The following MCM7 variants were observed in gnomAD, a reference collection of about 807,000 sequenced individuals.
MCM7 encodes the protein DNA replication licensing factor MCM7.
MCM7 carries 95 observed loss-of-function variants against 83.5 expected under a neutral mutation model. The observed-to-expected ratio is 1.14, with a 90% CI of 0.96 to 1.35. The LOEUF (loss-of-function observed/expected upper bound fraction) is 1.35. Ranked by LOEUF, MCM7 falls within the 40% of genes most tolerant of loss-of-function variation. The pLI, the probability that MCM7 is intolerant of heterozygous loss-of-function variation, is 0.00. For synonymous variants in MCM7, 461 were observed against 352.7 expected, an observed-to-expected ratio of 1.31 and a Z score of -3.44; for missense variants, 1,087 against 957.4, an observed-to-expected ratio of 1.14 and a Z score of -1.79.
intron 1 of MCM7, chr7:100,101,056 G>A (rs1353003116): frequency 5.6e-6 from 4 of 719,868 alleles, no homozygotes; most frequent in Non-Finnish European, 6.7e-6. Flanking sequence ...TACCAGGTGG[G>A]ATTACTAGCT....
rs200958394 is a variant in MCM7, at chr7:100,101,328, G to A, written c.-34C>T. 112 of 1,612,672 alleles carry A rather than the reference G, an allele frequency of 6.9e-5. No individual in the cohort carries two copies. In the African/African-American group the frequency reaches 1.2e-3, roughly 17 times the overall value. ...AGGGCCGTGCGGCCGCGCTTGGCGG[G>A]CTCAGAGGTCTTGCTCCTGGGGAAG... On this transcript the variant is annotated 5_prime_UTR_variant, in exon 1 of 15. Coordinates refer to ENST00000303887, the MANE Select transcript of MCM7 (RefSeq NM_005916.5).
rs376602994 is a variant in MCM7, at chr7:100,097,660, C to G, written c.1071G>C (p.Leu357=). ...GAGACTGGTCCACACCCCCGACTAG[C>G]AGGAGCAGCAGTGCCTTCTTCACAT... ...HEDVKKALLL[L]LVGGVDQSPR... is the part of the protein sequence containing the mutation. The change falls in exon 9 of 15, where the codon CTG becomes CTC. Residue 357 remains leucine, a synonymous_variant. Transcript: ENST00000303887. The G allele has an allele frequency of 1.4e-4, 228 of 1,614,072 alleles. No individual in the cohort carries two copies. The highest frequency in any genetic ancestry group is 1.9e-4 in the Non-Finnish European group (221 of 1,180,044).
chr7:100,094,531 A>T (rs1795515469), intron 12 of MCM7, among the ~76,000 whole-genome samples, 190 bp from the exon 13 acceptor site: 1 of 152,224 alleles, frequency 6.6e-6, no homozygotes, highest in South Asian at 2.1e-4. Flanking sequence ...CACCAAACGT[A>T]TAGCCCCCAC....
chr7:100,097,821 C>T lies in MCM7; in HGVS notation c.985+13G>A, dbSNP rs1369345885. On this transcript the variant is annotated intron_variant, in intron 8 of 14. Transcript: ENST00000303887. Reference sequence around the variant, plus strand: ...ATGTAAACGGAATTTCCTCTCTCTCCCCTGCCCCTCACCTGCAATTTGCCT... The same window carrying T: ...ATGTAAACGGAATTTCCTCTCTCTCTCCTGCCCCTCACCTGCAATTTGCCT... The T allele has an allele frequency of 6.8e-6, 11 of 1,613,972 alleles. No individual in the cohort carries two copies. Among genetic ancestry groups the T allele is most frequent in the African/African-American group, 1.3e-5 (1 of 74,910 alleles).
rs930901403 is a variant in MCM7, at chr7:100,097,968, G to A, written c.871-20C>T. On this transcript the variant is annotated intron_variant, in intron 7 of 14. Coordinates refer to ENST00000303887, the MANE Select transcript of MCM7 (RefSeq NM_005916.5). ...TAAACCCTTGGGCAGGAAAATGCCA[G>A]GATACAGATGTAATCCCTTCAACTT... 1.9e-6 allele frequency: 3 copies of A among 1,607,332 alleles called. No individual in the cohort carries two copies. The African/African-American group carries it at 4.0e-5, about 21-fold the overall frequency.
At chr7:100,100,756 C>A (rs534866221) in intron 1 of MCM7, 3 of 992,038 alleles carry the variant, frequency 3.0e-6, no homozygotes, top group South Asian at 4.4e-5. Context: ...TTACACGACA[C>A]TCCCTCCAGC....
rs745661203 is a variant in MCM7, at chr7:100,097,322, T to C, written c.1180A>G (p.Ile394Val). 4.3e-6 allele frequency: 7 copies of C among 1,614,176 alleles called. No individual in the cohort carries two copies. Among genetic ancestry groups the C allele is most frequent in the African/African-American group, 2.7e-5 (2 of 75,038 alleles). ...TTACTGCGAGGCGCCAGTCGATCAA[T>C]GTATGACAGGAGCTGAGACTTGGCC... ...GVAKSQLLSY[I>V]DRLAPRSQYT... The change falls in exon 10 of 15, where the codon ATT becomes GTT. Residue 394 changes from isoleucine to valine, a missense_variant. By Grantham distance (29) the Ile-to-Val change is conservative. Transcript: ENST00000303887.
chr7:100,093,329 T>G lies in MCM7; in HGVS notation c.1921A>C (p.Lys641Gln). The G allele has an allele frequency of 2.5e-6, 4 of 1,614,122 alleles. No individual in the cohort carries two copies. The highest frequency in any genetic ancestry group is 3.4e-6 in the Non-Finnish European group (4 of 1,180,026). The part of the protein sequence containing the change: ...NEAIRLMEMS[K>Q]DSLLGDKGQT... ...CCCTTGTCTCCTAGAAGAGAGTCCT[T>G]TGACATCTCCATTAGCCTGATGGCT... Residue 641 changes from lysine to glutamine, a missense_variant, in exon 14 of 15, where the codon AAG becomes CAG. Transcript: ENST00000303887.
At chr7:100,100,415 C>A in intron 1 of MCM7, 1 of 1,041,992 alleles carries the variant, frequency 9.6e-7, no homozygotes, top group Non-Finnish European at 1.2e-6. Context: ...CTTTCCACCC[C>A]TATGATCCCC....
intron 5 of MCM7, 117 bp downstream of exon 5, chr7:100,098,906 G>A (rs1464782763): frequency 2.8e-6 from 4 of 1,436,268 alleles, no homozygotes; most frequent in Non-Finnish European, 2.8e-6. Context: ...AAGAATGAAA[G>A]GCGAACACAC....
intron 7 of MCM7, 60 bp from the exon 8 acceptor site, chr7:100,098,008 T>A: frequency 1.3e-6 from 2 of 1,584,880 alleles, no homozygotes; most frequent in Non-Finnish European, 8.7e-7. Context: ...ATCACTGGAT[T>A]CCCTAACAAT....
chr7:100,099,325 C>A lies in MCM7; in HGVS notation c.355G>T (p.Val119Phe), dbSNP rs200119844. 6.2e-7 allele frequency: 1 copy of A among 1,613,850 alleles called. No homozygotes were observed. The highest frequency in any genetic ancestry group is 2.2e-5 in the East Asian group (1 of 44,878). Residue 119 changes from valine (V) to phenylalanine (F), a missense_variant, in exon 4 of 15, where the codon GTC becomes TTC. Val to Phe is a conservative substitution (Grantham distance 50). Coordinates refer to ENST00000303887, the MANE Select transcript of MCM7 (RefSeq NM_005916.5). ...GGGTACTGGTTCTGGGGGCTTCGGA[C>A]CATCCCAGGGTCCCGACTCCGCTGC... ...MEQRSRDPGM[V>F]RSPQNQYPAE...
In MCM7 at chr7:100,099,966, T is replaced by A. The variant is rs758932890; in HGVS notation, c.111+48A>T. The A allele has an allele frequency of 2.3e-5, 35 of 1,538,018 alleles. No individual in the cohort carries two copies. In the Admixed American group the frequency reaches 5.6e-4, roughly 25 times the overall value. Reference sequence around the variant, plus strand: ...AACAAGCCAAGCTGCTGCTTATGGCTCCTTAAGCACCCCGCTCCCCATTCC... The same window carrying A: ...AACAAGCCAAGCTGCTGCTTATGGCACCTTAAGCACCCCGCTCCCCATTCC... On this transcript the variant is annotated intron_variant, in intron 2 of 14. Transcript: ENST00000303887.
chr7:100,099,537 C>A (rs776836541), intron 3 of MCM7, 52 bp downstream of exon 3: 11 of 1,603,108 alleles, frequency 6.9e-6, no homozygotes, highest in Non-Finnish European at 9.4e-6. Flanking sequence ...AGCCTCTCTA[C>A]AGAAGCTTAA....
chr7:100,098,124 G>A lies in MCM7; in HGVS notation c.870+17C>T, dbSNP rs2116578896. ...GAAAAGGGGATGATCCATTCCTCAT[G>A]TCAAACTCTTCCTTACCTGTACCAC... is the stretch of plus-strand genomic sequence containing the variant. On this transcript the variant is annotated intron_variant, in intron 7 of 14. Transcript: ENST00000303887. The A allele has an allele frequency of 6.2e-7, 1 of 1,613,392 alleles. No homozygotes were observed.
At chr7:100,100,532 A>C (rs1795928296) in intron 1 of MCM7, 1 of 996,238 alleles carries the variant, frequency 1.0e-6, no homozygotes, top group Non-Finnish European at 1.2e-6. Context: ...CTCTTAGTAA[A>C]CAAAGAAGCA....
At chr7:100,096,591 C>T (rs1795646785) in intron 10 of MCM7, among the ~76,000 whole-genome samples, 1 of 151,010 alleles carries the variant, frequency 6.6e-6, no homozygotes, top group Non-Finnish European at 1.5e-5. Context: ...GCCTGCCCAA[C>T]ACAGTAAACC....
At position 100,093,350 on chromosome 7, in the gene MCM7, T is replaced by A. The variant is rs1199169001; in HGVS notation, c.1900A>T (p.Ile634Phe). The part of the protein sequence containing the change: ...VVEKEDVNEA[I>F]RLMEMSKDSL... ...TCCTTTGACATCTCCATTAGCCTGA[T>A]GGCTTCATTCACATCTTCTTTCTCC... The change falls in exon 14 of 15, where the codon ATC (isoleucine) becomes TTC (phenylalanine). Residue 634 changes from isoleucine to phenylalanine, a missense_variant. Transcript: ENST00000303887. The A allele has an allele frequency of 6.2e-7, 1 of 1,614,080 alleles. No homozygotes were observed. The highest frequency in any genetic ancestry group is 1.3e-5 in the African/African-American group (1 of 74,944).
intron 10 of MCM7, among the ~76,000 whole-genome samples, 153 bp downstream of exon 10, chr7:100,097,148 G>A (rs76157218): frequency 0.04 from 6,075 of 152,224 alleles, 123 homozygotes; most frequent in Middle Eastern, 0.068. Context: ...CATGGAAGCG[G>A]TCTCAAAATC....
Sources: allele counts gnomAD v4.1 joint callset (sites outside exome capture counted in the v4.1 genomes callset), GRCh38; gene constraint gnomAD v4.1.1; transcripts MANE v1.5; gene names NCBI Gene and HGNC (gene_info 2026-07-23, HGNC 2026-07-21).